RCAN2: variants seen among roughly 807,000 people sequenced by gnomAD.
The protein encoded by RCAN2 is regulator of calcineurin 2.
RCAN2 carries 9 observed loss-of-function variants against 23.6 expected under a neutral mutation model. That is an observed-to-expected ratio of 0.38 (90% CI 0.23 to 0.67). The LOEUF (loss-of-function observed/expected upper bound fraction) is 0.67, where lower values mean the gene tolerates loss of function less well. Among genes scored for constraint, RCAN2 ranks in the 30% least tolerant of loss-of-function variants. RCAN2 has a pLI of 0.51. For missense variants in RCAN2, 273 were observed against 302.3 expected (o/e 0.90, Z 0.72); for synonymous variants, 109 against 115.7 (o/e 0.94, Z 0.37).
chr6:46,426,779 T>C (rs557369419), intron 2 of RCAN2, among the ~76,000 whole-genome samples: 2 of 152,342 alleles, frequency 1.3e-5, no homozygotes, highest in African/African-American at 2.4e-5. Flanking sequence ...AGCCCACTTA[T>C]ACACTTAAAA....
chr6:46,248,689 C>T, intron 3 of RCAN2, 34 bp downstream of exon 3: 1 of 1,507,296 alleles, frequency 6.6e-7, no homozygotes, highest in Non-Finnish European at 9.0e-7. Flanking sequence ...TAATGTAGGG[C>T]AAAAAGAATA....
intron 2 of RCAN2, among the ~76,000 whole-genome samples, chr6:46,273,934 A>G (rs1767603082): frequency 6.6e-6 from 1 of 152,040 alleles, no homozygotes; most frequent in Non-Finnish European, 1.5e-5. Flanking sequence ...TTCTTAGGGC[A>G]AAGTTGGCCT....
intron 2 of RCAN2, among the ~76,000 whole-genome samples, chr6:46,255,116 A>G (rs1013981033): frequency 6.6e-6 from 1 of 152,206 alleles, no homozygotes; most frequent in African/African-American, 2.4e-5. Flanking sequence ...AAATATAGGC[A>G]GCCTTGCAGA....
rs1409766753 is a variant in RCAN2 at position 46,221,967 on chromosome 6, G to C, written c.*1174C>G. The C allele has an allele frequency of 2.5e-6, 1 of 398,434 alleles. No individual in the cohort carries two copies. Among genetic ancestry groups the C allele is most frequent in the Non-Finnish European group, 4.4e-6 (1 of 226,032 alleles). 24.7% of individuals were successfully genotyped at this position (398,434 alleles called of 1,614,324 possible). A position where few individuals can be genotyped will look rare whatever the true frequency, so the allele number is the denominator to read the frequency against. On this transcript the variant is annotated 3_prime_UTR_variant, in exon 5 of 5. Transcript: ENST00000371374. ...CGTGAGTAGGACCGGCATACATGTA[G>C]CTATCATCCTTCCCCATTTTAACAT...
chr6:46,392,696 T>C (rs530754338), intron 2 of RCAN2, among the ~76,000 whole-genome samples: 2 of 152,204 alleles, frequency 1.3e-5, no homozygotes, highest in Non-Finnish European at 2.9e-5. Context: ...AGATAGATAA[T>C]AATTCAATTA....
At chr6:46,433,027 T>C (rs1300294248) in intron 2 of RCAN2, among the ~76,000 whole-genome samples, 1 of 152,212 alleles carries the variant, frequency 6.6e-6, no homozygotes, top group African/African-American at 2.4e-5. Context: ...AATTAAAAAC[T>C]TATGAGCATC....
intron 2 of RCAN2, among the ~76,000 whole-genome samples, chr6:46,428,535 C>G (rs779427234): frequency 6.6e-6 from 1 of 152,170 alleles, no homozygotes; most frequent in Non-Finnish European, 1.5e-5. Flanking sequence ...CTGGGATTTT[C>G]TTTGGAGCAA....
chr6:46,442,417 G>T (rs1767575410), intron 2 of RCAN2, among the ~76,000 whole-genome samples: 2 of 152,164 alleles, frequency 1.3e-5, no homozygotes, highest in Non-Finnish European at 2.9e-5. Flanking sequence ...CCTGTTCAGG[G>T]CTGCACGCAG....
At chr6:46,379,532 G>A (rs1212243807) in intron 2 of RCAN2, among the ~76,000 whole-genome samples, 1 of 152,096 alleles carries the variant, frequency 6.6e-6, no homozygotes, top group Non-Finnish European at 1.5e-5. Flanking sequence ...ATGTAATCCA[G>A]TTACAATATG....
At chr6:46,356,263 T>A (rs1764828072) in intron 2 of RCAN2, among the ~76,000 whole-genome samples, 1 of 152,176 alleles carries the variant, frequency 6.6e-6, no homozygotes, top group African/African-American at 2.4e-5. Context: ...CAGGGCTTGA[T>A]TCGAATTCCT....
intron 2 of RCAN2, among the ~76,000 whole-genome samples, chr6:46,439,401 A>C (rs1351523178): frequency 1.3e-5 from 2 of 152,214 alleles, no homozygotes; most frequent in African/African-American, 4.8e-5. Flanking sequence ...ATTTCTTATT[A>C]TAGTTTATGT....
At chr6:46,274,733 C>G (rs1396790473) in intron 2 of RCAN2, among the ~76,000 whole-genome samples, 1 of 152,180 alleles carries the variant, frequency 6.6e-6, no homozygotes, top group Non-Finnish European at 1.5e-5. Context: ...GTGTGGACAT[C>G]TAGGCAGAGA....
chr6:46,301,839 C>A (rs899730433), intron 2 of RCAN2, among the ~76,000 whole-genome samples: 4 of 151,986 alleles, frequency 2.6e-5, no homozygotes, highest in Admixed American at 2.6e-4. Flanking sequence ...AGGGAGTGAG[C>A]ACATAGAGGG....
intron 4 of RCAN2, among the ~76,000 whole-genome samples, chr6:46,244,234 A>G (rs1288962402): frequency 6.6e-6 from 1 of 152,158 alleles, no homozygotes; most frequent in Non-Finnish European, 1.5e-5. Context: ...TTGATAAGTT[A>G]TTTACCACTC....
intron 2 of RCAN2, among the ~76,000 whole-genome samples, chr6:46,382,367 T>C (rs1765633488): frequency 6.6e-6 from 1 of 152,244 alleles, no homozygotes; most frequent in Non-Finnish European, 1.5e-5. Context: ...CCAGCTACTC[T>C]GTAGGTAATG....
At chr6:46,331,060 T>C (rs1004555543) in intron 2 of RCAN2, among the ~76,000 whole-genome samples, 34 of 152,244 alleles carry the variant, frequency 2.2e-4, no homozygotes, top group African/African-American at 7.2e-4. Flanking sequence ...ACAATGATGA[T>C]ATTCCTCCTT....
At chr6:46,345,731 A>T (rs560133416) in intron 2 of RCAN2, among the ~76,000 whole-genome samples, 2 of 152,288 alleles carry the variant, frequency 1.3e-5, no homozygotes, top group African/African-American at 4.8e-5. Context: ...ATGTCACAAC[A>T]GATTTAATGA....
intron 2 of RCAN2, among the ~76,000 whole-genome samples, chr6:46,350,475 T>C (rs548786553): frequency 2.1e-4 from 32 of 152,242 alleles, no homozygotes; most frequent in Non-Finnish European, 3.4e-4. Context: ...CCCCAATAAC[T>C]GCATCATGGG....
intron 2 of RCAN2, among the ~76,000 whole-genome samples, chr6:46,418,161 T>G (rs1307705580): frequency 6.6e-6 from 1 of 152,178 alleles, no homozygotes; most frequent in Non-Finnish European, 1.5e-5. Flanking sequence ...ACAAAATATC[T>G]TATACTTTAG....
Sources: gnomAD v4.1 joint callset for allele counts (sites outside exome capture counted in the v4.1 genomes callset) on GRCh38, gnomAD v4.1.1 for gene constraint, MANE v1.5 for transcripts, NCBI Gene and HGNC (gene_info 2026-07-23, HGNC 2026-07-21) for gene names.